The following KLF8 variants were observed in gnomAD, a reference collection of about 807,000 sequenced individuals.
KLF8 encodes Krueppel-like factor 8.
KLF8 carries 10 observed loss-of-function variants against 18.2 expected under a neutral mutation model. The observed-to-expected ratio is 0.55, with a 90% CI of 0.34 to 0.93. The LOEUF (loss-of-function observed/expected upper bound fraction) is 0.93, where lower values mean the gene tolerates loss of function less well. Among genes scored for constraint, KLF8 ranks in the 40% least tolerant of loss-of-function variants. The probability of loss-of-function intolerance (pLI) is 0.02; values close to 1 mark genes in which losing one functional copy is unlikely to be tolerated. For synonymous variants in KLF8, 109 were observed against 97.3 expected, an observed-to-expected ratio of 1.12 and a Z score of -0.71; for missense variants, 264 against 277.9, an observed-to-expected ratio of 0.95 and a Z score of 0.36.
At chrX:56,049,661 CG>C in the KLF8 span, among the ~76,000 whole-genome samples, 2 of 102,658 alleles carry the variant, frequency 1.9e-5, no homozygotes, top group African/African-American at 7.2e-5. Flanking sequence ...CTGCTGGATT[CG>C]GTTTGCCAGT....
At chrX:56,169,341 G>A in the KLF8 span, among the ~76,000 whole-genome samples, 1 of 111,198 alleles carries the variant, frequency 9.0e-6, no homozygotes, top group Non-Finnish European at 1.9e-5. Flanking sequence ...ACTTTGTTTT[G>A]CACCCTAGGT....
chrX:56,188,620 T>C, the KLF8 span, among the ~76,000 whole-genome samples: 6 of 111,806 alleles, frequency 5.4e-5, no homozygotes, highest in Admixed American at 4.7e-4. Context: ...CTTCAAACTA[T>C]ACTACAATGC....
At chrX:56,264,618 C>T (rs1363238902) in intron 2 of KLF8, among the ~76,000 whole-genome samples, 1 of 110,687 alleles carries the variant, frequency 9.0e-6, no homozygotes, top group Non-Finnish European at 1.9e-5. Context: ...GTTGTTATGG[C>T]TCTATAGACA....
the KLF8 span, among the ~76,000 whole-genome samples, chrX:56,062,598 T>C: frequency 8.9e-6 from 1 of 112,115 alleles, no homozygotes; most frequent in African/African-American, 3.2e-5. Flanking sequence ...CACACCTTTC[T>C]CTCTGGCTGC....
the KLF8 span, among the ~76,000 whole-genome samples, chrX:56,136,188 C>T: frequency 9.0e-6 from 1 of 111,559 alleles, no homozygotes; most frequent in Non-Finnish European, 1.9e-5. Context: ...AGGTAATTTA[C>T]AGATTCAATG....
At chrX:56,105,019 G>A in the KLF8 span, among the ~76,000 whole-genome samples, 4 of 112,086 alleles carry the variant, frequency 3.6e-5, no homozygotes, top group Non-Finnish European at 3.8e-5. Flanking sequence ...ATGTAGTTGT[G>A]TGGTTTTGAG....
the KLF8 span, among the ~76,000 whole-genome samples, chrX:55,951,257 C>T: frequency 1.8e-5 from 2 of 109,897 alleles, no homozygotes; most frequent in Middle Eastern, 4.7e-3. Context: ...GGGTGGATCA[C>T]CTAAGGTCAG....
chrX:56,020,861 C>T, the KLF8 span, among the ~76,000 whole-genome samples: 1 of 111,978 alleles, frequency 8.9e-6, no homozygotes, highest in Non-Finnish European at 1.9e-5. Flanking sequence ...TGCTCCTGCC[C>T]TACTGAACTA....
At chrX:55,999,789 G>C in the KLF8 span, among the ~76,000 whole-genome samples, 12 of 110,654 alleles carry the variant, frequency 1.1e-4, no homozygotes, top group Admixed American at 7.7e-4. Flanking sequence ...TCATATCATT[G>C]GCAAAAAAAG....
At chrX:55,960,999 T>A in the KLF8 span, among the ~76,000 whole-genome samples, 1 of 111,627 alleles carries the variant, frequency 9.0e-6, no homozygotes, top group Non-Finnish European at 1.9e-5. Flanking sequence ...GATAGGTTTA[T>A]CAGGAAAACA....
chrX:56,199,875 T>C, the KLF8 span, among the ~76,000 whole-genome samples: 3 of 111,747 alleles, frequency 2.7e-5, no homozygotes, highest in African/African-American at 9.8e-5. Context: ...ATGTGGCACA[T>C]ATACAGCATG....
At chrX:56,194,425 C>T in the KLF8 span, among the ~76,000 whole-genome samples, 58,978 of 111,115 alleles carry the variant, frequency 0.53, 13,812 homozygotes, top group Non-Finnish European at 0.74. Flanking sequence ...CCTGGCTTGG[C>T]GAGTCCCAGA....
chrX:55,930,290 C>T, the KLF8 span, among the ~76,000 whole-genome samples: 6 of 111,792 alleles, frequency 5.4e-5, no homozygotes, highest in African/African-American at 2.0e-4. Flanking sequence ...TGGGCTGAGA[C>T]GATGGGGTTT....
At chrX:56,193,272 A>G in the KLF8 span, among the ~76,000 whole-genome samples, 1 of 112,620 alleles carries the variant, frequency 8.9e-6, no homozygotes, top group Non-Finnish European at 1.9e-5. Context: ...ACAATGAAAT[A>G]TCATGTCACC....
chrX:56,122,838 C>T, the KLF8 span, among the ~76,000 whole-genome samples: 3 of 111,031 alleles, frequency 2.7e-5, no homozygotes, highest in South Asian at 3.8e-4. Flanking sequence ...ATCCTCCTGC[C>T]GAGGCCTCCC....
At chrX:55,971,820 A>G in the KLF8 span, among the ~76,000 whole-genome samples, 1 of 111,612 alleles carries the variant, frequency 9.0e-6, no homozygotes, top group East Asian at 2.8e-4. Flanking sequence ...GCTCAATGTC[A>G]TTTACCATCA....
the KLF8 span, among the ~76,000 whole-genome samples, chrX:56,170,174 A>G: frequency 9.0e-6 from 1 of 110,908 alleles, no homozygotes; most frequent in Non-Finnish European, 1.9e-5. Flanking sequence ...GATCACAACA[A>G]CCAAGTCCAT....
the KLF8 span, among the ~76,000 whole-genome samples, chrX:56,158,914 C>A: frequency 9.0e-6 from 1 of 111,365 alleles, no homozygotes; most frequent in African/African-American, 3.3e-5. Context: ...CCAGAACTTC[C>A]AACACTATGT....
the KLF8 span, among the ~76,000 whole-genome samples, chrX:56,025,930 G>C: frequency 8.9e-6 from 1 of 112,311 alleles, no homozygotes; most frequent in Non-Finnish European, 1.9e-5. Context: ...GCAGTCCTCC[G>C]TGTGAAAAGA....
Sources: gnomAD v4.1 joint callset for allele counts (sites outside exome capture counted in the v4.1 genomes callset) on GRCh38, gnomAD v4.1.1 for gene constraint, MANE v1.5 for transcripts, NCBI Gene and HGNC (gene_info 2026-07-23, HGNC 2026-07-21) for gene names.